Variants in EPB41L5 observed in about 807,000 individuals in gnomAD.
EPB41L5 encodes the protein erythrocyte membrane protein band 4.1 like 5.
Under a neutral mutation model 106.6 loss-of-function variants are expected in EPB41L5, and 55 were observed. The ratio of observed to expected loss-of-function variants is 0.52; its 90% CI spans 0.42 to 0.65. The LOEUF is 0.65. Ranked by LOEUF, EPB41L5 falls within the 30% of genes least tolerant of loss-of-function variation. EPB41L5 has a pLI of 0.00. For missense variants in EPB41L5, 871 were observed against 882.1 expected (o/e 0.99, Z 0.16); for synonymous variants, 297 against 306.7 (o/e 0.97, Z 0.33).
At chr2:120,123,559 T>G (rs917248320) in intron 16 of EPB41L5, among the ~76,000 whole-genome samples, 2 of 151,758 alleles carry the variant, frequency 1.3e-5, no homozygotes, top group African/African-American at 4.8e-5. Flanking sequence ...TTACAAAAAG[T>G]CCACTTCTAA....
chr2:120,150,988 TC>T (rs1402137316), intron 20 of EPB41L5, among the ~76,000 whole-genome samples: 1 of 152,210 alleles, frequency 6.6e-6, no homozygotes, highest in East Asian at 1.9e-4. Flanking sequence ...GGCTAGAACT[TC>T]CAGTATAGGA....
At chr2:120,030,164 A>C (rs920247653) in intron 2 of EPB41L5, among the ~76,000 whole-genome samples, 1 of 152,228 alleles carries the variant, frequency 6.6e-6, no homozygotes, top group Non-Finnish European at 1.5e-5. Flanking sequence ...TTTGGCTATG[A>C]AACAAGATTG....
At position 120,175,012 on chromosome 2, in the gene EPB41L5, A is replaced by G. The variant is rs1687873233; in HGVS notation, c.*105A>G. 1.8e-6 allele frequency: 2 copies of G among 1,125,896 alleles called. No individual in the cohort carries two copies. The highest frequency in any genetic ancestry group is 3.5e-5 in the Admixed American group (2 of 57,320). 69.7% of individuals were successfully genotyped at this position (1,125,896 alleles called of 1,614,324 possible). A position where few individuals can be genotyped will look rare whatever the true frequency, so the allele number is the denominator to read the frequency against. On this transcript the variant is annotated 3_prime_UTR_variant, in exon 25 of 25. Transcript: ENST00000263713. ...CTTGTCCATTATTTGTAGGTAAAAAAAGCTGCACGTAGATTTGACTTCAAC... is the reference window on the plus strand; with the variant it reads ...CTTGTCCATTATTTGTAGGTAAAAAGAGCTGCACGTAGATTTGACTTCAAC...
At chr2:120,057,204 G>A (rs1452446137) in intron 3 of EPB41L5, among the ~76,000 whole-genome samples, 2 of 152,134 alleles carry the variant, frequency 1.3e-5, no homozygotes. Flanking sequence ...TTTCTCTAAA[G>A]GCCACTTTAG....
chr2:120,149,289 T>C (rs1349123930), intron 20 of EPB41L5, among the ~76,000 whole-genome samples: 1 of 152,224 alleles, frequency 6.6e-6, no homozygotes, highest in Non-Finnish European at 1.5e-5. Flanking sequence ...GTACATTCTG[T>C]ATTTAGTACA....
chr2:120,075,501 C>G lies in EPB41L5; in HGVS notation c.433C>G (p.Gln145Glu), dbSNP rs150028843. ...TRYLFVLQLKQDILSGKLDCP... is the reference protein window; with the variant it reads ...TRYLFVLQLKEDILSGKLDCP... Reference sequence around the variant, plus strand: ...GTATTTATTTGTTCTTCAGTTAAAACAAGATATTCTCAGTGGAAAGTGAGT... The same window carrying G: ...GTATTTATTTGTTCTTCAGTTAAAAGAAGATATTCTCAGTGGAAAGTGAGT... The change falls in exon 6 of 25, where the codon CAA (glutamine) becomes GAA (glutamate). Residue 145 changes from glutamine (Q) to glutamate (E), a missense_variant. Physicochemically the swap from Gln to Glu is conservative, Grantham distance 29. Coordinates refer to ENST00000263713, the MANE Select transcript of EPB41L5 (RefSeq NM_020909.4). 2 of 1,535,484 alleles carry G rather than the reference C, an allele frequency of 1.3e-6. No individual in the cohort carries two copies. The highest frequency in any genetic ancestry group is 2.8e-5 in the African/African-American group (2 of 72,418).
chr2:120,089,920 A>G (rs945852434), intron 11 of EPB41L5, among the ~76,000 whole-genome samples: 1 of 152,098 alleles, frequency 6.6e-6, no homozygotes. Flanking sequence ...ATTTATGTGA[A>G]ATCCTTAGAA....
intron 16 of EPB41L5, among the ~76,000 whole-genome samples, chr2:120,111,351 T>C (rs1364653814): frequency 6.6e-6 from 1 of 152,226 alleles, no homozygotes; most frequent in African/African-American, 2.4e-5. Context: ...TTCCCATCTT[T>C]GTGGTTTTTG....
chr2:120,110,207 G>T (rs1348149158), intron 16 of EPB41L5, among the ~76,000 whole-genome samples: 1 of 152,118 alleles, frequency 6.6e-6, no homozygotes, highest in African/African-American at 2.4e-5. Flanking sequence ...CTCACTTCAC[G>T]AAATTGTCAT....
intron 3 of EPB41L5, among the ~76,000 whole-genome samples, chr2:120,043,424 G>A (rs576239755): frequency 1.3e-5 from 2 of 151,996 alleles, no homozygotes; most frequent in South Asian, 4.2e-4. Flanking sequence ...GCGTGCCCCT[G>A]TAGTCCCAGC....
intron 2 of EPB41L5, among the ~76,000 whole-genome samples, chr2:120,035,334 A>G (rs1473388780): frequency 6.6e-6 from 1 of 152,176 alleles, no homozygotes; most frequent in Non-Finnish European, 1.5e-5. Context: ...CCTGGTCTTA[A>G]GTGATCCTCC....
intron 20 of EPB41L5, among the ~76,000 whole-genome samples, chr2:120,153,276 T>C (rs1172632660): frequency 6.6e-6 from 1 of 152,186 alleles, no homozygotes; most frequent in East Asian, 1.9e-4. Flanking sequence ...ATTTAATTTC[T>C]GTATTTATGA....
chr2:120,052,214 T>C (rs1680334973), intron 3 of EPB41L5, among the ~76,000 whole-genome samples: 1 of 152,198 alleles, frequency 6.6e-6, no homozygotes, highest in Non-Finnish European at 1.5e-5. Context: ...TTCATGACTT[T>C]GAAGCTTTTG....
chr2:120,060,548 A>G (rs1680965267), intron 3 of EPB41L5, among the ~76,000 whole-genome samples: 1 of 152,254 alleles, frequency 6.6e-6, no homozygotes, highest in Admixed American at 6.5e-5. Context: ...TGTATGTAAC[A>G]TTCTTGAAAT....
At chr2:120,094,482 C>CA (rs201981175) in intron 14 of EPB41L5, among the ~76,000 whole-genome samples, 15,319 of 137,098 alleles carry the variant, frequency 0.11, 849 homozygotes, top group African/African-American at 0.12. Context: ...TTTTTTCTTG[C>CA]AAAAAAAAAA....
intron 20 of EPB41L5, among the ~76,000 whole-genome samples, chr2:120,149,492 C>T (rs189317899): frequency 2.6e-5 from 4 of 152,250 alleles, no homozygotes; most frequent in African/African-American, 9.6e-5. Context: ...AATATGAGGT[C>T]TTTTGTGTCT....
intron 14 of EPB41L5, among the ~76,000 whole-genome samples, chr2:120,096,288 G>A (rs987698806): frequency 2.6e-5 from 4 of 151,836 alleles, no homozygotes; most frequent in East Asian, 1.9e-4. Flanking sequence ...ATAGCACTCC[G>A]CTTTCTGAAC....
chr2:120,100,889 A>C (rs1684103624), intron 16 of EPB41L5, 75 bp downstream of exon 16: 1 of 1,016,762 alleles, frequency 9.8e-7, no homozygotes, highest in South Asian at 1.5e-5. Flanking sequence ...ATAATCTTAA[A>C]GTACTTTAAA....
At chr2:120,045,274 A>G (rs910652706) in intron 3 of EPB41L5, among the ~76,000 whole-genome samples, 1 of 152,224 alleles carries the variant, frequency 6.6e-6, no homozygotes, top group Non-Finnish European at 1.5e-5. Flanking sequence ...TTCTTCTTAT[A>G]TAGACATATA....
Sources: gnomAD v4.1 joint callset for allele counts (sites outside exome capture counted in the v4.1 genomes callset) on GRCh38, gnomAD v4.1.1 for gene constraint, MANE v1.5 for transcripts, NCBI Gene and HGNC (gene_info 2026-07-23, HGNC 2026-07-21) for gene names.